The following GFUS variants were observed in gnomAD, a reference collection of about 807,000 sequenced individuals.
GFUS encodes the protein 3-5 epimerase/4-reductase.
Under a neutral mutation model 41.5 loss-of-function variants are expected in GFUS, and 42 were observed. The ratio of observed to expected loss-of-function variants is 1.01; its 90% CI spans 0.79 to 1.31. The LOEUF is 1.31. Ranked by LOEUF, GFUS falls within the 50% of genes most tolerant of loss-of-function variation. GFUS has a pLI of 0.00. For missense variants in GFUS, 437 were observed against 428.7 expected (o/e 1.02, Z -0.17); for synonymous variants, 188 against 173.4 (o/e 1.08, Z -0.66).
chr8:143,612,630 G>A lies in GFUS; in HGVS notation c.*280C>T. The A allele has an allele frequency of 1.8e-6, 1 of 570,060 alleles. No individual in the cohort carries two copies. The highest frequency in any genetic ancestry group is 3.1e-6 in the Non-Finnish European group (1 of 317,860). The allele number at this position is 570,060 out of a possible 1,614,324, so 35.3% of individuals were successfully genotyped here. On this transcript the variant is annotated 3_prime_UTR_variant, in exon 11 of 11. Coordinates refer to ENST00000425753, the MANE Select transcript of GFUS (RefSeq NM_003313.4). ...CTGCCAAGGCCAGGCCTGTGAAAAT[G>A]CACTTTATTGGCTCCCAGGGAGTGG...
rs1379942518 is a variant in GFUS at position 143,617,482 on chromosome 8, A to G, written c.-20T>C. On this transcript the variant is annotated 5_prime_UTR_variant, in exon 1 of 11. Coordinates refer to ENST00000425753, the MANE Select transcript of GFUS (RefSeq NM_003313.4). ...GTCCGGTGCCACCTCACCTGCGTCC[A>G]GCCCCACCGCCGGCTCCCCGACAGC... The G allele has an allele frequency of 2.0e-5, 3 of 152,248 alleles. No individual in the cohort carries two copies. The highest frequency in any genetic ancestry group is 1.9e-4 in the East Asian group (1 of 5,196). The allele number at this position is 152,248 out of a possible 1,614,324, so 9.4% of individuals were successfully genotyped here.
Position 143,613,601 on chromosome 8 carries a change from C to T in GFUS, c.733G>A (p.Gly245Ser), listed in dbSNP as rs1007214490. 2 of 1,612,090 alleles carry T rather than the reference C, an allele frequency of 1.2e-6. No individual in the cohort carries two copies. The highest frequency in any genetic ancestry group is 2.2e-5 in the East Asian group (1 of 44,844). ...TTGATGGAGACCTCATCTTCCTCGC[C>T]CACTGTGGGGAGCCACCGGGTCAGG... ...NEVEPIILSVGEEDEVSIKEA... is the reference protein window; with the variant it reads ...NEVEPIILSVSEEDEVSIKEA... The change falls in exon 9 of 11, where the codon GGC becomes AGC. Residue 245 changes from glycine to serine, a missense_variant and splice_region_variant. Coordinates refer to ENST00000425753, the MANE Select transcript of GFUS (RefSeq NM_003313.4).
chr8:143,613,288 G>A lies in GFUS; in HGVS notation c.818C>T (p.Thr273Ile), dbSNP rs1283781341. The A allele has an allele frequency of 3.7e-6, 6 of 1,613,938 alleles. No homozygotes were observed. The highest frequency in any genetic ancestry group is 2.7e-5 in the African/African-American group (2 of 74,908). ...CTTAAACTGCCCATCCGACTTGGTT[G>A]TATCAAACTGGAGGCTTTGTCAAGG... ...MDFHGEVTFD[T>I]TKSDGQFKKT... The change falls in exon 10 of 11, where the codon ACA becomes ATA. Residue 273 changes from threonine (T) to isoleucine (I), a missense_variant. Physicochemically the swap from Thr to Ile is moderately conservative, Grantham distance 89 (BLOSUM62 -1). Transcript: ENST00000425753.
At position 143,613,621 on chromosome 8, in the gene GFUS, G is replaced by C. The variant is rs765447767; in HGVS notation, c.731-18C>G. 5.0e-6 allele frequency: 8 copies of C among 1,611,528 alleles called. No individual in the cohort carries two copies. Among genetic ancestry groups the C allele is most frequent in the Middle Eastern group, 1.6e-4 (1 of 6,084 alleles). On this transcript the variant is annotated intron_variant, in intron 8 of 10. Coordinates refer to ENST00000425753, the MANE Select transcript of GFUS (RefSeq NM_003313.4). ...CTCGCCCACTGTGGGGAGCCACCGG[G>C]TCAGGCCTCCCCTTGGTGCCACCCG...
At chr8:143,618,020 C>G (rs1829772660), upstream of GFUS, 1 of 152,294 alleles carries the variant, frequency 6.6e-6, no homozygotes, top group East Asian at 1.9e-4. Flanking sequence ...ATGGGTACGC[C>G]CAGGCTCGGG....
Position 143,616,670 on chromosome 8 carries a change from C to G in GFUS, c.43G>C (p.Gly15Arg). Reference sequence around the variant, plus strand: ...ATGGCTTTGCCTACCAGCCCAGAGCCCCCTGTCACTAGAATCCGCATGGAT... The same window carrying G: ...ATGGCTTTGCCTACCAGCCCAGAGCGCCCTGTCACTAGAATCCGCATGGAT... ...QGSMRILVTG[G>R]SGLVGKAIQK... Residue 15 changes from glycine to arginine, a missense_variant, in exon 2 of 11, where the codon GGC (glycine) becomes CGC (arginine). By Grantham distance (125) the Gly-to-Arg change is moderately radical. Coordinates refer to ENST00000425753, the MANE Select transcript of GFUS (RefSeq NM_003313.4). 1 of 1,613,518 alleles carries G rather than the reference C, an allele frequency of 6.2e-7. No homozygotes were observed. The highest frequency in any genetic ancestry group is 1.1e-5 in the South Asian group (1 of 91,076).
rs1411766947 is a variant in GFUS, at chr8:143,614,920, A to T, written c.262-5T>A. The T allele has an allele frequency of 2.5e-6, 4 of 1,600,960 alleles. No individual in the cohort carries two copies. The highest frequency in any genetic ancestry group is 3.4e-6 in the Non-Finnish European group (4 of 1,172,210). On this transcript the variant is annotated splice_polypyrimidine_tract_variant and splice_region_variant and intron_variant, in intron 3 of 10. Transcript: ENST00000425753. ...GTTCATGTGCACGTTTTTCCTCTGC[A>T]GGGGTGAGGCGGGGACAGTTCAGGC...
Position 143,616,228 on chromosome 8 carries a change from A to G in GFUS, c.147-8T>C, listed in dbSNP as rs917492752. ...CGGGTCTGTGCTGTATCCCTGTAGGAAGCCAGGCTGTCAGGAGGCTCTGGA... is the reference window on the plus strand; with the variant it reads ...CGGGTCTGTGCTGTATCCCTGTAGGGAGCCAGGCTGTCAGGAGGCTCTGGA... On this transcript the variant is annotated splice_region_variant and splice_polypyrimidine_tract_variant and intron_variant, in intron 2 of 10. Transcript: ENST00000425753. 5 of 1,613,638 alleles carry G rather than the reference A, an allele frequency of 3.1e-6. No homozygotes were observed. Among genetic ancestry groups the G allele is most frequent in the Non-Finnish European group, 4.2e-6 (5 of 1,179,702 alleles).
rs147382289 is a variant in GFUS, at chr8:143,614,186, C to A, written c.641G>T (p.Arg214Leu). ...CACCAGCGAGTATATGAACTGCCTCCGCGGATTCCCTGTACCCCACACCGT... is the reference window on the plus strand; with the variant it reads ...CACCAGCGAGTATATGAACTGCCTCAGCGGATTCCCTGTACCCCACACCGT... ...ALTVWGTGNPRRQFIYSLDLA... is the reference protein window; with the variant it reads ...ALTVWGTGNPLRQFIYSLDLA... The change falls in exon 7 of 11, where the codon CGG becomes CTG. Residue 214 changes from arginine (R) to leucine (L), a missense_variant. Physicochemically the swap from Arg to Leu is moderately radical, Grantham distance 102. Coordinates refer to ENST00000425753, the MANE Select transcript of GFUS (RefSeq NM_003313.4). 1 of 1,613,512 alleles carries A rather than the reference C, an allele frequency of 6.2e-7. No homozygotes were observed. The highest frequency in any genetic ancestry group is 2.2e-5 in the East Asian group (1 of 44,880).
In GFUS at chr8:143,616,140, AG is replaced by A. The variant is rs1829718671; in HGVS notation, c.226del (p.Leu76CysfsTer18). The A allele has an allele frequency of 6.2e-7, 1 of 1,609,312 alleles. No individual in the cohort carries two copies. The highest frequency in any genetic ancestry group is 1.7e-5 in the Admixed American group (1 of 59,394). On this transcript the variant is annotated frameshift_variant, in exon 3 of 11. Coordinates refer to ENST00000425753, the MANE Select transcript of GFUS (RefSeq NM_003313.4). LOFTEE classifies it high-confidence loss of function. ...VIHLAAMVGG[L>X]FRNIKYNLDF... ...CAAATTGTATTTGATATTCCGGAACAGGCCCCCCACCATTGCAGCAAGATGG... is the reference window on the plus strand; with the variant it reads ...CAAATTGTATTTGATATTCCGGAACAGCCCCCCACCATTGCAGCAAGATGG...
chr8:143,617,372 C>T (rs1219032596), intron 1 of GFUS, 102 bp downstream of exon 1: 1 of 153,340 alleles, frequency 6.5e-6, no homozygotes, highest in Non-Finnish European at 1.5e-5. Context: ...ACCACAGCCC[C>T]AGGCTGCCCC....
intron 3 of GFUS, among the ~76,000 whole-genome samples, chr8:143,615,187 C>T (rs1829694451): frequency 1.3e-5 from 2 of 152,162 alleles, no homozygotes. Context: ...CAGGAGGCTG[C>T]TGAGGTCAGG....
intron 9 of GFUS, 78 bp from the exon 10 acceptor site, chr8:143,613,373 T>C: frequency 1.3e-6 from 2 of 1,511,816 alleles, no homozygotes; most frequent in South Asian, 2.3e-5. Flanking sequence ...ACCTCTGCCA[T>C]TCCCAGGGGA....
At chr8:143,616,370 T>C in intron 2 of GFUS, 150 bp from the exon 3 acceptor site, 2 of 1,154,310 alleles carry the variant, frequency 1.7e-6, no homozygotes, top group Non-Finnish European at 2.6e-6. Flanking sequence ...GGTGCAGGCT[T>C]CCAGGAAGAG....
intron 9 of GFUS, 95 bp from the exon 10 acceptor site, chr8:143,613,390 G>A: frequency 1.3e-6 from 2 of 1,488,878 alleles, no homozygotes; most frequent in Admixed American, 1.7e-5. Context: ...GGGAGCCACA[G>A]CAGAGCTCCT....
intron 10 of GFUS, 112 bp downstream of exon 10, chr8:143,613,084 C>G (rs1474927646): frequency 1.9e-6 from 3 of 1,543,430 alleles, no homozygotes; most frequent in Non-Finnish European, 2.7e-6. Flanking sequence ...TGTCCCACCT[C>G]CAGGGCAGTA....
Position 143,613,512 on chromosome 8 carries a change from G to A in GFUS, c.810+12C>T, listed in dbSNP as rs774672873. 8.7e-6 allele frequency: 14 copies of A among 1,609,734 alleles called. No individual in the cohort carries two copies. In the African/African-American group the frequency reaches 1.7e-4, roughly 20 times the overall value. On this transcript the variant is annotated intron_variant, in intron 9 of 10. Transcript: ENST00000425753. ...CCCCCGCCCAACCCCCAGCACTGGA[G>A]CCAGAGGATACGGTGACTTCCCCAT...
chr8:143,616,731 G>A lies in GFUS; in HGVS notation c.-11-8C>T. On this transcript the variant is annotated splice_region_variant and splice_polypyrimidine_tract_variant and intron_variant, in intron 1 of 10. Transcript: ENST00000425753. ...CACCCATGTCAGTTGCACCTGTAATGTCAAACAGTGGGAGGCTGAGGTCAT... is the reference window on the plus strand; with the variant it reads ...CACCCATGTCAGTTGCACCTGTAATATCAAACAGTGGGAGGCTGAGGTCAT... 3 of 1,613,516 alleles carry A rather than the reference G, an allele frequency of 1.9e-6. No homozygotes were observed. The highest frequency in any genetic ancestry group is 1.1e-5 in the South Asian group (1 of 91,082).
At chr8:143,615,817 C>T (rs1829711199) in intron 3 of GFUS, 8 of 377,698 alleles carry the variant, frequency 2.1e-5, no homozygotes, top group Non-Finnish European at 3.8e-5. Flanking sequence ...GCTCCCAGTC[C>T]CACGTGGCCG....
Sources: gnomAD v4.1 joint callset for allele counts (sites outside exome capture counted in the v4.1 genomes callset) on GRCh38, gnomAD v4.1.1 for gene constraint, MANE v1.5 for transcripts, NCBI Gene and HGNC (gene_info 2026-07-23, HGNC 2026-07-21) for gene names.